PRUNE2: variants seen among roughly 807,000 people sequenced by gnomAD.
The protein encoded by PRUNE2 is prune homolog 2 with BCH domain.
Under a neutral mutation model 252.0 loss-of-function variants are expected in PRUNE2, and 164 were observed. That is an observed-to-expected ratio of 0.65 (90% CI 0.57 to 0.74). The LOEUF (loss-of-function observed/expected upper bound fraction) is 0.74, where lower values mean the gene tolerates loss of function less well. PRUNE2 is among the 30% of genes least tolerant of loss of function. PRUNE2 has a pLI of 0.00. For synonymous variants in PRUNE2, 1,292 were observed against 1,350.2 expected (o/e 0.96, Z 0.94); for missense variants, 3,495 against 3,711.0 (o/e 0.94, Z 1.51).
At chr9:76,636,803 A>AATAAAT (rs1840249501) in intron 14 of PRUNE2, among the ~76,000 whole-genome samples, 1 of 152,020 alleles carries the variant, frequency 6.6e-6, no homozygotes, top group African/African-American at 2.4e-5. Flanking sequence ...TAAAAATAAA[A>AATAAAT]AAATTAGCTG....
At chr9:76,704,615 T>A (rs1160048735) in intron 8 of PRUNE2, 146 bp downstream of exon 8, 1 of 619,428 alleles carries the variant, frequency 1.6e-6, no homozygotes, top group Non-Finnish European at 2.8e-6. Flanking sequence ...ACTGCTGTTA[T>A]AATACAGGAC....
chr9:76,837,877 T>C lies in PRUNE2; in HGVS notation c.508+8638A>G, dbSNP rs368415276. Among the ~76,000 whole-genome samples the C allele has an allele frequency of 5.0e-3, 761 of 151,532 alleles. 13 individuals are homozygous for C. The highest frequency in any genetic ancestry group is 0.018 in the African/African-American group (735 of 41,212). On this transcript the variant is annotated intron_variant, in intron 4 of 18. Transcript: ENST00000376718. ...AGCTCTGCCTCCTGGGTTCACGCCA[T>C]TCTCCTGCCTCAGCCTCCTGAGTAG...
intron 9 of PRUNE2, 93 bp downstream of exon 9, chr9:76,703,244 G>C: frequency 8.8e-7 from 1 of 1,135,902 alleles, no homozygotes; most frequent in Non-Finnish European, 1.2e-6. Context: ...CTATCATCCA[G>C]GTATTCCTCA....
intron 6 of PRUNE2, among the ~76,000 whole-genome samples, chr9:76,758,027 AAAT>A (rs1359608761): frequency 6.6e-6 from 1 of 152,202 alleles, no homozygotes; most frequent in Non-Finnish European, 1.5e-5. Context: ...AAAATTTTTT[AAAT>A]AATAATTTTT....
At chr9:76,761,528 C>T (rs1415358898) in intron 6 of PRUNE2, among the ~76,000 whole-genome samples, 2 of 151,846 alleles carry the variant, frequency 1.3e-5, no homozygotes, top group East Asian at 3.8e-4. Flanking sequence ...TAGACCTGAA[C>T]TGGATACAAT....
At chr9:76,865,661 T>A (rs1175441103) in intron 1 of PRUNE2, among the ~76,000 whole-genome samples, 1 of 152,224 alleles carries the variant, frequency 6.6e-6, no homozygotes, top group Non-Finnish European at 1.5e-5. Flanking sequence ...GTCTTTGTCA[T>A]GTTCTTATGA....
At chr9:76,655,687 A>C (rs3739520) in intron 9 of PRUNE2, among the ~76,000 whole-genome samples, 185 bp from the exon 10 acceptor site, 51,059 of 152,092 alleles carry the variant, frequency 0.34, 11,091 homozygotes, top group African/African-American at 0.62. Flanking sequence ...TAAATGAGAA[A>C]AATGGACACC....
intron 6 of PRUNE2, among the ~76,000 whole-genome samples, chr9:76,773,433 T>C (rs897121557): frequency 1.4e-5 from 2 of 146,680 alleles, no homozygotes; most frequent in Non-Finnish European, 3.0e-5. Context: ...TACACACTAG[T>C]ACATCTTTTT....
At chr9:76,902,228 T>C (rs2063221704) in intron 1 of PRUNE2, among the ~76,000 whole-genome samples, 1 of 152,192 alleles carries the variant, frequency 6.6e-6, no homozygotes, top group Non-Finnish European at 1.5e-5. Flanking sequence ...CCTGAATACT[T>C]TCCTGAGCTG....
At chr9:76,664,792 C>T (rs2039810030) in intron 9 of PRUNE2, among the ~76,000 whole-genome samples, 1 of 152,182 alleles carries the variant, frequency 6.6e-6, no homozygotes, top group Admixed American at 6.5e-5. Context: ...GGATTACAGG[C>T]ATGAGCCATT....
intron 1 of PRUNE2, among the ~76,000 whole-genome samples, chr9:76,871,936 G>A (rs571467732): frequency 0.01 from 1,478 of 143,742 alleles, 23 homozygotes; most frequent in African/African-American, 0.041. Flanking sequence ...GCCTAGTTAC[G>A]ACAATTTTCT....
At chr9:76,731,306 C>CTATATATATA (rs1346297088) in intron 6 of PRUNE2, among the ~76,000 whole-genome samples, 5 of 37,020 alleles carry the variant, frequency 1.4e-4, no homozygotes, top group Admixed American at 9.1e-4. Context: ...ATCTATCTAT[C>CTATATATATA]TATCTATATA....
At chr9:76,805,420 AC>A (rs201237364) in intron 6 of PRUNE2, among the ~76,000 whole-genome samples, 1 of 152,160 alleles carries the variant, frequency 6.6e-6, no homozygotes, top group East Asian at 1.9e-4. Context: ...CAGGAGTTCA[AC>A]AGCAGCGTGG....
chr9:76,640,576 T>C (rs1451520246), intron 12 of PRUNE2, among the ~76,000 whole-genome samples: 1 of 152,236 alleles, frequency 6.6e-6, no homozygotes, highest in Non-Finnish European at 1.5e-5. Context: ...ATTTTTGCTT[T>C]CGTTCCATCT....
rs778723868 is a variant in PRUNE2, at chr9:76,847,478, CTG to C, written c.345-802_345-801del. Among the ~76,000 whole-genome samples, 70 of 151,138 alleles carry C rather than the reference CTG, an allele frequency of 4.6e-4. 1 individual carries two copies. In the East Asian group the frequency reaches 9.1e-3, roughly 20 times the overall value. ...TTTTAAAAAGTATTTAAAAAAAAAA[CTG>C]AGGCACAAAGAGGTTAAGAAATTTG... is the stretch of plus-strand genomic sequence containing the variant. On this transcript the variant is annotated intron_variant, in intron 3 of 18. Transcript: ENST00000376718.
intron 6 of PRUNE2, among the ~76,000 whole-genome samples, chr9:76,719,687 A>G (rs564923438): frequency 6.6e-6 from 1 of 152,036 alleles, no homozygotes; most frequent in Non-Finnish European, 1.5e-5. Context: ...TTACTCTGTC[A>G]CCCAGGCTGG....
intron 6 of PRUNE2, among the ~76,000 whole-genome samples, chr9:76,761,353 G>A (rs544108940): frequency 3.9e-5 from 6 of 152,248 alleles, no homozygotes; most frequent in African/African-American, 1.4e-4. Context: ...TGATGCATCT[G>A]TGAGGAACAG....
intron 18 of PRUNE2, among the ~76,000 whole-genome samples, chr9:76,617,503 C>A (rs1196150014): frequency 6.8e-6 from 1 of 147,024 alleles, no homozygotes; most frequent in Non-Finnish European, 1.5e-5. Flanking sequence ...AAATCCAGGA[C>A]TGGAAGTCAG....
intron 6 of PRUNE2, among the ~76,000 whole-genome samples, chr9:76,770,442 G>A (rs1589127614): frequency 2.0e-5 from 3 of 151,918 alleles, no homozygotes; most frequent in African/African-American, 7.3e-5. Context: ...ATATGTTAAT[G>A]GCTTTTTCAA....
Sources: gnomAD v4.1 joint callset for allele counts (sites outside exome capture counted in the v4.1 genomes callset) on GRCh38, gnomAD v4.1.1 for gene constraint, MANE v1.5 for transcripts, NCBI Gene and HGNC (gene_info 2026-07-23, HGNC 2026-07-21) for gene names.